Variants in COL24A1 observed in about 807,000 individuals in gnomAD.
The protein encoded by COL24A1 is collagen type XXIV alpha 1 chain.
Under a neutral mutation model 253.9 loss-of-function variants are expected in COL24A1, and 224 were observed. The observed-to-expected ratio is 0.88, with a 90% confidence interval of 0.79 to 0.99. COL24A1 has a LOEUF of 0.99. Ranked by LOEUF, COL24A1 falls within the 50% of genes least tolerant of loss-of-function variation. COL24A1 has a pLI of 0.00. For missense variants in COL24A1, 2,131 were observed against 2,068.5 expected, an observed-to-expected ratio of 1.03 and a Z score of -0.59; for synonymous variants, 685 against 673.7, an observed-to-expected ratio of 1.02 and a Z score of -0.26.
At chr1:86,012,018 A>G (rs529250953) in intron 19 of COL24A1, among the ~76,000 whole-genome samples, 1 of 152,198 alleles carries the variant, frequency 6.6e-6, no homozygotes, top group East Asian at 1.9e-4. Flanking sequence ...AAGCCTCACT[A>G]TGTTGCTCCA....
At chr1:85,920,751 A>C (rs1686370876) in intron 24 of COL24A1, among the ~76,000 whole-genome samples, 1 of 152,134 alleles carries the variant, frequency 6.6e-6, no homozygotes, top group African/African-American at 2.4e-5. Flanking sequence ...GTTAGAGGAA[A>C]AGTGACGAAG....
intron 55 of COL24A1, among the ~76,000 whole-genome samples, chr1:85,747,358 C>A (rs1353389220): frequency 6.6e-6 from 1 of 151,944 alleles, no homozygotes; most frequent in Non-Finnish European, 1.5e-5. Context: ...AGGTGATCTG[C>A]CCGCCTTGGC....
intron 32 of COL24A1, among the ~76,000 whole-genome samples, chr1:85,885,164 T>A (rs1682328944): frequency 6.6e-6 from 1 of 151,274 alleles, no homozygotes; most frequent in Admixed American, 6.6e-5. Flanking sequence ...GAGTGATGAC[T>A]TCCAAATTCC....
intron 47 of COL24A1, among the ~76,000 whole-genome samples, chr1:85,802,021 T>A (rs1671480268): frequency 6.6e-6 from 1 of 152,144 alleles, no homozygotes. Flanking sequence ...CCTAAATCCA[T>A]CCACTTCTTT....
chr1:85,875,467 A>G (rs1681044566), intron 33 of COL24A1, 137 bp from the exon 34 acceptor site: 1 of 634,846 alleles, frequency 1.6e-6, no homozygotes, highest in Admixed American at 2.9e-5. Flanking sequence ...TCATAGCATA[A>G]GAGCAGATTC....
At chr1:86,017,274 A>T (rs1222302984) in intron 18 of COL24A1, 70 bp from the exon 19 acceptor site, 2 of 1,311,966 alleles carry the variant, frequency 1.5e-6, no homozygotes, top group Non-Finnish European at 2.1e-6. Flanking sequence ...AGAAACAGGC[A>T]TATGGTAAAC....
intron 37 of COL24A1, among the ~76,000 whole-genome samples, chr1:85,859,872 A>G (rs1395779094): frequency 6.6e-6 from 1 of 152,144 alleles, no homozygotes; most frequent in East Asian, 1.9e-4. Context: ...AGTCCCAGCT[A>G]TTTGGGAGGC....
At chr1:85,920,744 A>G (rs1443371804) in intron 24 of COL24A1, among the ~76,000 whole-genome samples, 1 of 152,154 alleles carries the variant, frequency 6.6e-6, no homozygotes, top group African/African-American at 2.4e-5. Flanking sequence ...AGCCACTGTT[A>G]GAGGAAAAGT....
intron 46 of COL24A1, 78 bp from the exon 47 acceptor site, chr1:85,816,973 G>T: frequency 9.3e-7 from 1 of 1,075,982 alleles, no homozygotes; most frequent in Non-Finnish European, 1.4e-6. Flanking sequence ...TATTTATTGA[G>T]CTGGAGAAGT....
intron 19 of COL24A1, among the ~76,000 whole-genome samples, chr1:86,013,057 A>G (rs943441826): frequency 6.6e-6 from 1 of 152,182 alleles, no homozygotes; most frequent in African/African-American, 2.4e-5. Flanking sequence ...CAACTTTATG[A>G]GGTTGGTACT....
At chr1:86,148,182 G>A (rs1278817767) in intron 1 of COL24A1, among the ~76,000 whole-genome samples, 2 of 149,934 alleles carry the variant, frequency 1.3e-5, no homozygotes, top group African/African-American at 4.9e-5. Flanking sequence ...TTTTGTTTTT[G>A]TTTTTGTTTT....
At chr1:85,823,643 A>C (rs1170009954) in intron 44 of COL24A1, 42 bp downstream of exon 44, 3 of 1,613,032 alleles carry the variant, frequency 1.9e-6, no homozygotes, top group Admixed American at 3.3e-5. Flanking sequence ...CAAATAAGTT[A>C]TATTAATGTT....
intron 7 of COL24A1, among the ~76,000 whole-genome samples, chr1:86,073,503 T>C (rs1479001720): frequency 2.6e-5 from 4 of 152,222 alleles, no homozygotes; most frequent in South Asian, 2.1e-4. Flanking sequence ...TTGATTGGTG[T>C]ACCTAAAAGT....
chr1:85,860,658 G>A (rs942976024), intron 37 of COL24A1, among the ~76,000 whole-genome samples: 3 of 152,152 alleles, frequency 2.0e-5, no homozygotes, highest in Non-Finnish European at 4.4e-5. Flanking sequence ...GGAGAATGGC[G>A]TGAACCTGGC....
intron 12 of COL24A1, chr1:86,045,989 T>A (rs144671602): frequency 3.3e-6 from 1 of 305,488 alleles, no homozygotes; most frequent in South Asian, 3.3e-5. Flanking sequence ...CTTTTAACTA[T>A]CTGATCTGAG....
chr1:86,136,583 G>T (rs1215394631), intron 2 of COL24A1, among the ~76,000 whole-genome samples: 1 of 151,988 alleles, frequency 6.6e-6, no homozygotes, highest in African/African-American at 2.4e-5. Flanking sequence ...AAAAATCTCT[G>T]AAGCACAGAG....
At chr1:85,974,531 G>T (rs770991440) in intron 20 of COL24A1, among the ~76,000 whole-genome samples, 1 of 151,998 alleles carries the variant, frequency 6.6e-6, no homozygotes, top group African/African-American at 2.4e-5. Context: ...TACAAAACAC[G>T]CAAAGTACCA....
intron 1 of COL24A1, 53 bp downstream of exon 1, chr1:86,156,288 T>A: frequency 6.5e-7 from 1 of 1,529,674 alleles, no homozygotes; most frequent in Non-Finnish European, 8.9e-7. Context: ...AACCAGGGGG[T>A]GGAGAGAGGG....
At chr1:86,127,339 A>G (rs1648472346) in intron 2 of COL24A1, among the ~76,000 whole-genome samples, 1 of 152,098 alleles carries the variant, frequency 6.6e-6, no homozygotes, top group Admixed American at 6.6e-5. Context: ...TACCAATAGT[A>G]TATTGTTTGT....
Sources: allele counts gnomAD v4.1 joint callset (sites outside exome capture counted in the v4.1 genomes callset), GRCh38; gene constraint gnomAD v4.1.1; transcripts MANE v1.5; gene names NCBI Gene and HGNC (gene_info 2026-07-23, HGNC 2026-07-21).